NEK6: variants seen among roughly 807,000 people sequenced by gnomAD.
NEK6 encodes serine/threonine-protein kinase Nek6.
A neutral mutation model predicts 43.5 loss-of-function variants in NEK6; 27 were observed. That is an observed-to-expected ratio of 0.62 (90% CI 0.46 to 0.86). The LOEUF (loss-of-function observed/expected upper bound fraction) is 0.86, where lower values mean the gene tolerates loss of function less well. Among genes scored for constraint, NEK6 ranks in the 40% least tolerant of loss-of-function variants. The pLI, the probability that NEK6 is intolerant of heterozygous loss-of-function variation, is 0.00. For missense variants in NEK6, 318 were observed against 414.4 expected (o/e 0.77, Z 2.02); for synonymous variants, 167 against 164.1 (o/e 1.02, Z -0.14).
rs902852953 is a variant in NEK6 at position 124,327,329 on chromosome 9, G to A, written c.515-9G>A. 1.5e-5 allele frequency: 24 copies of A among 1,611,854 alleles called. No homozygotes were observed. Among genetic ancestry groups the A allele is most frequent in the East Asian group, 2.2e-5 (1 of 44,834 alleles). On this transcript the variant is annotated splice_polypyrimidine_tract_variant and intron_variant, in intron 6 of 9. Transcript: ENST00000320246. ...ACCCCACACCAATCTCCTTCTCCTC[G>A]CCCTGCAGACATCAAGCCTGCCAAC...
intron 1 of NEK6, among the ~76,000 whole-genome samples, chr9:124,298,275 G>C (rs1455540086): frequency 6.6e-6 from 1 of 151,390 alleles, no homozygotes; most frequent in Non-Finnish European, 1.5e-5. Flanking sequence ...GCTCTCGGTG[G>C]GTAGGGGCTT....
At chr9:124,293,181 C>G (rs373034857) in intron 1 of NEK6, among the ~76,000 whole-genome samples, 1 of 152,224 alleles carries the variant, frequency 6.6e-6, no homozygotes, top group Admixed American at 6.5e-5. Flanking sequence ...AGGGTTGGAT[C>G]TGAGTTCAAA....
chr9:124,263,337 G>A (rs940365199), intron 1 of NEK6, among the ~76,000 whole-genome samples: 5 of 152,160 alleles, frequency 3.3e-5, no homozygotes, highest in Admixed American at 1.3e-4. Flanking sequence ...GGAGCAAGGC[G>A]CTCCCCCACA....
chr9:124,290,364 G>A (rs977965443), intron 1 of NEK6, among the ~76,000 whole-genome samples: 3 of 152,356 alleles, frequency 2.0e-5, no homozygotes, highest in Middle Eastern at 3.4e-3. Flanking sequence ...GTGGATGGCT[G>A]GCCTGGGCCC....
intron 1 of NEK6, among the ~76,000 whole-genome samples, chr9:124,300,329 C>T (rs992262490): frequency 6.6e-6 from 1 of 152,144 alleles, no homozygotes; most frequent in Non-Finnish European, 1.5e-5. Context: ...TAGGAGCTGG[C>T]TGTGACAGCC....
chr9:124,332,418 G>A (rs774209282), intron 7 of NEK6, among the ~76,000 whole-genome samples: 1 of 152,230 alleles, frequency 6.6e-6, no homozygotes, highest in Non-Finnish European at 1.5e-5. Flanking sequence ...GAGAGTTTCT[G>A]TTCTCAGCCA....
intron 1 of NEK6, among the ~76,000 whole-genome samples, chr9:124,295,077 G>T (rs1236630694): frequency 3.3e-5 from 5 of 152,236 alleles, no homozygotes; most frequent in Non-Finnish European, 7.3e-5. Context: ...TCCTGATGCT[G>T]CAGGCCCACC....
intron 4 of NEK6, among the ~76,000 whole-genome samples, chr9:124,321,079 C>T (rs972898813): frequency 2.6e-5 from 4 of 152,198 alleles, no homozygotes; most frequent in East Asian, 1.9e-4. Flanking sequence ...GGCCCAATGC[C>T]GCCCTCAGGG....
In NEK6 at chr9:124,261,425, G is replaced by A. The variant is rs547613044; in HGVS notation, c.-30+3340G>A. 11 of 985,498 alleles carry A rather than the reference G, an allele frequency of 1.1e-5. 1 individual carries two copies. In the South Asian group the frequency reaches 4.7e-4, roughly 42 times the overall value. 61.0% of individuals were successfully genotyped at this position (985,498 alleles called of 1,614,324 possible). On this transcript the variant is annotated intron_variant, in intron 1 of 9. Transcript: ENST00000320246. ...AGGGTGGAGAGTGGAGGGACCTGGT[G>A]AATCATCCAAGATTAAATACGGGCA...
chr9:124,289,297 G>C (rs887048052), intron 1 of NEK6, among the ~76,000 whole-genome samples: 1 of 151,380 alleles, frequency 6.6e-6, no homozygotes, highest in African/African-American at 2.4e-5. Flanking sequence ...GGATGTCCAG[G>C]TCAGGACTCA....
intron 1 of NEK6, among the ~76,000 whole-genome samples, chr9:124,277,562 G>A (rs935566778): frequency 4.6e-5 from 7 of 152,136 alleles, no homozygotes; most frequent in Admixed American, 1.3e-4. Context: ...AGCCTCTCTC[G>A]GCTTTCCTGT....
intron 1 of NEK6, among the ~76,000 whole-genome samples, chr9:124,294,168 C>A (rs1025401993): frequency 6.6e-6 from 1 of 152,286 alleles, no homozygotes; most frequent in Non-Finnish European, 1.5e-5. Context: ...TAGTTCGAGA[C>A]CAGCCTGACC....
chr9:124,322,768 C>G (rs773372721), intron 5 of NEK6, among the ~76,000 whole-genome samples: 16 of 152,260 alleles, frequency 1.1e-4, no homozygotes, highest in Non-Finnish European at 2.2e-4. Context: ...GAAACGGGGC[C>G]GGATGTGGGT....
In NEK6 at chr9:124,335,785, C is replaced by T. The variant is rs187494546; in HGVS notation, c.623-3786C>T. ...ACCATTACAGCCTCTCCAAAAACTG[C>T]GAGGTAGTTCTTCATCCATCTCCAT... On this transcript the variant is annotated intron_variant, in intron 7 of 9. Transcript: ENST00000320246. 5.3e-5 allele frequency among the ~76,000 whole-genome samples: 8 copies of T among 152,302 alleles called. No individual in the cohort carries two copies. The East Asian group carries it at 1.3e-3, about 26-fold the overall frequency.
Position 124,312,489 on chromosome 9 carries a change from C to A in NEK6, c.91-20C>A. On this transcript the variant is annotated intron_variant, in intron 2 of 9. Transcript: ENST00000320246. ...GCTGCAGCCTGGCTGCTCACGGAGG[C>A]CCTCTGTCCCCCGTTCCAGAGGCAT... 6.2e-7 allele frequency: 1 copy of A among 1,608,342 alleles called. No homozygotes were observed. The highest frequency in any genetic ancestry group is 8.5e-7 in the Non-Finnish European group (1 of 1,177,300).
Position 124,326,207 on chromosome 9 carries a change from C to CG in NEK6, c.406-123_406-122insG, listed in dbSNP as rs1354764180. Reference sequence around the variant, plus strand: ...TTGTTTGCTCAGTGGCTCAATCCCCCCCCCCCGCCCCTGCCAGGCACCAGT... The same window carrying CG: ...TTGTTTGCTCAGTGGCTCAATCCCCCGCCCCCCGCCCCTGCCAGGCACCAGT... On this transcript the variant is annotated intron_variant, in intron 5 of 9. Coordinates refer to ENST00000320246, the MANE Select transcript of NEK6 (RefSeq NM_014397.6). The surrounding 1 kb of genome is among the most constrained non-coding windows in gnomAD (Gnocchi z 4.5). 1 of 182,402 alleles carries CG rather than the reference C, an allele frequency of 5.5e-6. No homozygotes were observed. The highest frequency in any genetic ancestry group is 7.4e-5 in the East Asian group (1 of 13,472). 11.3% of individuals were successfully genotyped at this position (182,402 alleles called of 1,614,324 possible).
chr9:124,326,256 G>A lies in NEK6; in HGVS notation c.406-74G>A, dbSNP rs111843790. 3.9e-6 allele frequency: 3 copies of A among 774,468 alleles called. No individual in the cohort carries two copies. Among genetic ancestry groups the A allele is most frequent in the East Asian group, 2.8e-5 (1 of 35,556 alleles). 48.0% of individuals were successfully genotyped at this position (774,468 alleles called of 1,614,324 possible). On this transcript the variant is annotated intron_variant, in intron 5 of 9. Coordinates refer to ENST00000320246, the MANE Select transcript of NEK6 (RefSeq NM_014397.6). The surrounding 1 kb of genome is among the most constrained non-coding windows in gnomAD (Gnocchi z 4.5). ...GTTACCCACTGGGGAAAGGACAGAGGCAGTGCCCTGTGGCCACCCACCTCC... is the reference window on the plus strand; with the variant it reads ...GTTACCCACTGGGGAAAGGACAGAGACAGTGCCCTGTGGCCACCCACCTCC...
chr9:124,318,398 A>C (rs929570904), intron 4 of NEK6, among the ~76,000 whole-genome samples: 1 of 151,888 alleles, frequency 6.6e-6, no homozygotes. Flanking sequence ...TGCACCACGA[A>C]GCCCAGCTAA....
In NEK6 at chr9:124,351,254, G is replaced by A; in HGVS notation, c.*307G>A. 1 of 291,316 alleles carries A rather than the reference G, an allele frequency of 3.4e-6. No individual in the cohort carries two copies. The highest frequency in any genetic ancestry group is 6.6e-6 in the Non-Finnish European group (1 of 151,490). The allele number at this position is 291,316 out of a possible 1,614,324, so 18.0% of individuals were successfully genotyped here. A position where few individuals can be genotyped will look rare whatever the true frequency, so the allele number is the denominator to read the frequency against. On this transcript the variant is annotated 3_prime_UTR_variant, in exon 10 of 10. Transcript: ENST00000320246. ...CAGCCCCCTGTATCTGGATTGTAAT[G>A]TGAATCTTTAGGGTAATTCCTCCAG...
Sources: allele counts gnomAD v4.1 joint callset (sites outside exome capture counted in the v4.1 genomes callset), GRCh38; gene constraint gnomAD v4.1.1; non-coding constraint Gnocchi (gnomAD v3.1); transcripts MANE v1.5; gene names NCBI Gene and HGNC (gene_info 2026-07-23, HGNC 2026-07-21).